KDM4C: variants seen among roughly 807,000 people sequenced by gnomAD.
KDM4C encodes lysine-specific demethylase 4C.
KDM4C carries 81 observed loss-of-function variants against 129.3 expected under a neutral mutation model. The observed-to-expected ratio is 0.63, with a 90% CI of 0.52 to 0.75. KDM4C has a LOEUF of 0.75. Among genes scored for constraint, KDM4C ranks in the 30% least tolerant of loss-of-function variants. The pLI is 0.00. For missense variants in KDM4C, 1,457 were observed against 1,304.0 expected, an observed-to-expected ratio of 1.12 and a Z score of -1.81; for synonymous variants, 573 against 456.1, an observed-to-expected ratio of 1.26 and a Z score of -3.26.
At chr9:6,895,654 C>G (rs1377065105) in intron 8 of KDM4C, among the ~76,000 whole-genome samples, 1 of 152,062 alleles carries the variant, frequency 6.6e-6, no homozygotes, top group Admixed American at 6.6e-5. Context: ...ATAACTAGCA[C>G]TTTGGGAGGC....
chr9:6,800,503 T>C (rs568993068), intron 2 of KDM4C, among the ~76,000 whole-genome samples: 1 of 151,952 alleles, frequency 6.6e-6, no homozygotes, highest in Admixed American at 6.6e-5. Flanking sequence ...CATGCCACTA[T>C]ATTCAAGCCT....
At chr9:7,128,277 T>TAAA in intron 19 of KDM4C, 41 bp downstream of exon 19, 4 of 1,168,406 alleles carry the variant, frequency 3.4e-6, no homozygotes, top group South Asian at 2.0e-5. Flanking sequence ...CAGAGTAATT[T>TAAA]AAAAAAAAAA....
intron 8 of KDM4C, among the ~76,000 whole-genome samples, chr9:6,947,385 C>A (rs1827163854): frequency 6.6e-6 from 1 of 151,926 alleles, no homozygotes; most frequent in Non-Finnish European, 1.5e-5. Flanking sequence ...CTTTATATTT[C>A]ATTTTCCTGT....
chr9:6,839,882 G>A, intron 4 of KDM4C, among the ~76,000 whole-genome samples: 1 of 146,138 alleles, frequency 6.8e-6, no homozygotes, highest in Non-Finnish European at 1.5e-5. Flanking sequence ...CAGCCTGGGT[G>A]ACAGAGTGAG....
At position 6,965,377 on chromosome 9, in the gene KDM4C, T is replaced by C. The variant is rs140761399; in HGVS notation, c.922-15548T>C. On this transcript the variant is annotated intron_variant, in intron 8 of 21. Transcript: ENST00000381309. ...TAGAGAGATATATATGACTAAATTATATAAAGTGAGGACAGTAGTGCTAAT... is the reference window on the plus strand; with the variant it reads ...TAGAGAGATATATATGACTAAATTACATAAAGTGAGGACAGTAGTGCTAAT... 4.1e-3 allele frequency among the ~76,000 whole-genome samples: 623 copies of C among 152,190 alleles called. 4 individuals carry two copies. Among genetic ancestry groups the C allele is most frequent in the African/African-American group, 0.014 (569 of 41,552 alleles).
At chr9:6,976,643 T>C (rs1270847627) in intron 8 of KDM4C, among the ~76,000 whole-genome samples, 1 of 152,220 alleles carries the variant, frequency 6.6e-6, no homozygotes, top group Non-Finnish European at 1.5e-5. Context: ...TCTGATCTAA[T>C]GTGATTTGAT....
intron 8 of KDM4C, among the ~76,000 whole-genome samples, chr9:6,961,368 C>A (rs994867388): frequency 1.1e-4 from 17 of 152,042 alleles, no homozygotes; most frequent in African/African-American, 4.1e-4. Context: ...GGCTTGCATG[C>A]ATATATAGTG....
Position 6,990,424 on chromosome 9 carries a change from G to T in KDM4C, c.1686G>T (p.Glu562Asp). 1 of 1,609,624 alleles carries T rather than the reference G, an allele frequency of 6.2e-7. No homozygotes were observed. Among genetic ancestry groups the T allele is most frequent in the South Asian group, 1.1e-5 (1 of 90,720 alleles). The change falls in exon 12 of 22, where the codon GAG becomes GAT. Residue 562 changes from glutamate (E) to aspartate (D), a missense_variant. By Grantham distance (45) the Glu-to-Asp change is conservative (BLOSUM62 2). Coordinates refer to ENST00000381309, the MANE Select transcript of KDM4C (RefSeq NM_015061.6). ...RNSFKVPSIA[E>D]GENKTSKSWR... ...TTTTGTTCTATAACTAGATAGCAGA[G>T]GGAGAGAACAAAACCTCTAAGAGTT...
At chr9:6,830,897 A>G (rs1834700593) in intron 4 of KDM4C, among the ~76,000 whole-genome samples, 1 of 152,336 alleles carries the variant, frequency 6.6e-6, no homozygotes, top group East Asian at 1.9e-4. Flanking sequence ...AAAAACCAAC[A>G]ACTGGGAGAA....
At chr9:6,853,498 A>T (rs1440185114) in intron 5 of KDM4C, among the ~76,000 whole-genome samples, 3 of 152,184 alleles carry the variant, frequency 2.0e-5, no homozygotes, top group Non-Finnish European at 4.4e-5. Flanking sequence ...GTCTCAAAGA[A>T]TAAAAAAATA....
At chr9:6,932,031 C>T (rs1823838137) in intron 8 of KDM4C, among the ~76,000 whole-genome samples, 1 of 152,130 alleles carries the variant, frequency 6.6e-6, no homozygotes. Context: ...GAGAAGTGAG[C>T]TCATTTGGGC....
chr9:6,878,887 TG>T (rs1844000457), intron 5 of KDM4C, among the ~76,000 whole-genome samples: 2 of 152,156 alleles, frequency 1.3e-5, no homozygotes, highest in Non-Finnish European at 2.9e-5. Context: ...TGGTAAGAAG[TG>T]GCCATAAATA....
intron 8 of KDM4C, among the ~76,000 whole-genome samples, chr9:6,938,878 G>T (rs1825312435): frequency 6.6e-6 from 1 of 151,912 alleles, no homozygotes; most frequent in Admixed American, 6.5e-5. Context: ...TTCTTTCATA[G>T]AGGTTAACTT....
intron 8 of KDM4C, among the ~76,000 whole-genome samples, chr9:6,901,574 G>A (rs1365873571): frequency 1.3e-5 from 2 of 152,164 alleles, no homozygotes; most frequent in Non-Finnish European, 2.9e-5. Context: ...CCCCATTTGC[G>A]AGGAAAATCT....
chr9:6,794,847 A>G lies in KDM4C; in HGVS notation c.144+1715A>G, dbSNP rs543159439. Among the ~76,000 whole-genome samples, 4 of 152,312 alleles carry G rather than the reference A, an allele frequency of 2.6e-5. No individual in the cohort carries two copies. The South Asian group carries it at 6.2e-4, about 24-fold the overall frequency. On this transcript the variant is annotated intron_variant, in intron 2 of 21. Transcript: ENST00000381309. The stretch of plus-strand genomic sequence containing the variant: ...GAGAACTCATTGCACATTTGGATGC[A>G]TAGGTCCAAAGTAAGATCTTTGAAA...
intron 1 of KDM4C, among the ~76,000 whole-genome samples, chr9:6,734,211 T>C (rs185104214): frequency 4.6e-5 from 7 of 152,126 alleles, no homozygotes; most frequent in East Asian, 3.9e-4. Context: ...CAGAAAGAGA[T>C]TGATCTTTTC....
chr9:6,983,595 C>G (rs1015931815), intron 9 of KDM4C, among the ~76,000 whole-genome samples: 1 of 151,678 alleles, frequency 6.6e-6, no homozygotes, highest in Non-Finnish European at 1.5e-5. Context: ...CACACACACA[C>G]ACACACACAC....
At chr9:7,151,600 G>A (rs189539556) in intron 19 of KDM4C, among the ~76,000 whole-genome samples, 310 of 152,280 alleles carry the variant, frequency 2.0e-3, no homozygotes, top group Non-Finnish European at 9.8e-4. Flanking sequence ...ACCTGAGCCC[G>A]GGAAGCCAAG....
chr9:7,025,457 A>G (rs1825654175), intron 15 of KDM4C, among the ~76,000 whole-genome samples: 1 of 151,808 alleles, frequency 6.6e-6, no homozygotes, highest in African/African-American at 2.4e-5. Flanking sequence ...CATTTCTTTT[A>G]TTGAAGGTGA....
Sources: allele counts gnomAD v4.1 joint callset (sites outside exome capture counted in the v4.1 genomes callset), GRCh38; gene constraint gnomAD v4.1.1; transcripts MANE v1.5; gene names NCBI Gene and HGNC (gene_info 2026-07-23, HGNC 2026-07-21).